PCDH15: variants seen among roughly 807,000 people sequenced by gnomAD.
The protein encoded by PCDH15 is protocadherin related 15, also known as protocadherin-15.
In PCDH15, 129 loss-of-function variants were observed where a neutral mutation model predicts 178.5. The ratio of observed to expected loss-of-function variants is 0.72; its 90% CI spans 0.63 to 0.84. The LOEUF is 0.84. Among genes scored for constraint, PCDH15 ranks in the 40% least tolerant of loss-of-function variants. PCDH15 has a pLI of 0.00. For synonymous variants in PCDH15, 800 were observed against 732.0 expected, an observed-to-expected ratio of 1.09 and a Z score of -1.50; for missense variants, 2,230 against 2,099.9, an observed-to-expected ratio of 1.06 and a Z score of -1.21.
chr10:55,345,439 T>A (rs1159703274), intron 2 of PCDH15, among the ~76,000 whole-genome samples: 1 of 152,010 alleles, frequency 6.6e-6, no homozygotes, highest in Non-Finnish European at 1.5e-5. Flanking sequence ...ACCACTTTAC[T>A]GTGAGAATAA....
At chr10:54,319,410 T>A (rs2061458117) in intron 7 of PCDH15, among the ~76,000 whole-genome samples, 1 of 152,268 alleles carries the variant, frequency 6.6e-6, no homozygotes, top group Admixed American at 6.5e-5. Context: ...CATCATGTTT[T>A]CAAATAAAGA....
In PCDH15 at chr10:53,806,443, T is replaced by G; in HGVS notation, c.*136A>C. The G allele has an allele frequency of 1.3e-6, 1 of 760,250 alleles. No homozygotes were observed. The highest frequency in any genetic ancestry group is 2.0e-6 in the Non-Finnish European group (1 of 489,420). The allele number at this position is 760,250 out of a possible 1,614,324, so 47.1% of individuals were successfully genotyped here. ...TGAGTGCAAATCTGTCTCTTAAAAT[T>G]TTAAAGCATATTGTTCAAAGTTTTA... On this transcript the variant is annotated 3_prime_UTR_variant, in exon 38 of 38. Coordinates refer to ENST00000644397, the MANE Select transcript of PCDH15 (RefSeq NM_001384140.1).
intron 3 of PCDH15, among the ~76,000 whole-genome samples, chr10:54,832,086 A>G (rs767201281): frequency 1.1e-4 from 16 of 152,012 alleles, no homozygotes; most frequent in Non-Finnish European, 1.9e-4. Flanking sequence ...AAGTATCTAC[A>G]TTTCTAAAGG....
At chr10:53,994,201 G>A (rs2091703877) in intron 21 of PCDH15, among the ~76,000 whole-genome samples, 1 of 152,108 alleles carries the variant, frequency 6.6e-6, no homozygotes, top group Admixed American at 6.5e-5. Context: ...ACTACCAAAG[G>A]GGAAGTAATA....
At chr10:55,558,863 G>A (rs1202116710) in intron 2 of PCDH15, among the ~76,000 whole-genome samples, 1 of 151,822 alleles carries the variant, frequency 6.6e-6, no homozygotes, top group Admixed American at 6.6e-5. Flanking sequence ...TGTTATTTTT[G>A]TTGTTAGCAT....
chr10:53,806,801 T>C lies in PCDH15; in HGVS notation c.5001A>G (p.Arg1667=), dbSNP rs1251216592. The C allele has an allele frequency of 6.2e-7, 1 of 1,613,844 alleles. No individual in the cohort carries two copies. The highest frequency in any genetic ancestry group is 1.7e-5 in the Admixed American group (1 of 60,008). The part of the protein sequence containing the change: ...GPFSTEKMNA[R]PTLVTFAPCP... ...AAGGGGCAAATGTAACCAGAGTTGG[T>C]CTTGCATTCATTTTTTCAGTAGAAA... Residue 1667 remains arginine, a synonymous_variant, in exon 38 of 38, where the codon AGA becomes AGG. Coordinates refer to ENST00000644397, the MANE Select transcript of PCDH15 (RefSeq NM_001384140.1).
intron 2 of PCDH15, among the ~76,000 whole-genome samples, chr10:55,362,650 G>A (rs1405924688): frequency 1.3e-5 from 2 of 152,142 alleles, no homozygotes; most frequent in African/African-American, 2.4e-5. Context: ...ACTCGTGTGT[G>A]TGTGTGTGTG....
chr10:54,407,539 G>C (rs1435619484), intron 3 of PCDH15, among the ~76,000 whole-genome samples: 2 of 151,890 alleles, frequency 1.3e-5, no homozygotes, highest in Non-Finnish European at 2.9e-5. Context: ...AAACTCTTAA[G>C]CTAAAAAGCA....
At chr10:54,963,055 ATC>A (rs1370089878) in intron 2 of PCDH15, among the ~76,000 whole-genome samples, 2 of 152,164 alleles carry the variant, frequency 1.3e-5, no homozygotes, top group African/African-American at 4.8e-5. Flanking sequence ...CATGTCATAA[ATC>A]TCTACGTAGA....
At chr10:55,440,335 T>C (rs1321452581) in intron 2 of PCDH15, among the ~76,000 whole-genome samples, 1 of 152,188 alleles carries the variant, frequency 6.6e-6, no homozygotes, top group African/African-American at 2.4e-5. Flanking sequence ...GACACATTTC[T>C]CTTAGTGCAA....
chr10:54,319,536 A>C (rs982761137), intron 7 of PCDH15, among the ~76,000 whole-genome samples: 1 of 152,152 alleles, frequency 6.6e-6, no homozygotes, highest in Non-Finnish European at 1.5e-5. Flanking sequence ...AAGCAACTGC[A>C]TGAGTGGTGC....
At chr10:54,118,205 T>C (rs11004080) in intron 15 of PCDH15, among the ~76,000 whole-genome samples, 1 of 151,972 alleles carries the variant, frequency 6.6e-6, no homozygotes, top group Admixed American at 6.5e-5. Context: ...CATATACTAA[T>C]GGAATATATT....
At chr10:54,596,368 T>C (rs2092239565) in intron 2 of PCDH15, among the ~76,000 whole-genome samples, 1 of 152,030 alleles carries the variant, frequency 6.6e-6, no homozygotes, top group East Asian at 1.9e-4. Context: ...AAACAAAGCT[T>C]CCTAAGTGAA....
At chr10:55,262,507 A>C (rs1842171536) in intron 1 of PCDH15, among the ~76,000 whole-genome samples, 1 of 152,224 alleles carries the variant, frequency 6.6e-6, no homozygotes, top group African/African-American at 2.4e-5. Context: ...GGAACGCATA[A>C]GCGGCTGAAT....
At chr10:54,198,526 A>G (rs12779779) in intron 10 of PCDH15, among the ~76,000 whole-genome samples, 32,925 of 42,558 alleles carry the variant, frequency 0.77, 14,029 homozygotes, top group East Asian at 0.96. Context: ...TTTTGAGACA[A>G]AGTCTCGCTC....
Position 54,615,559 on chromosome 10 carries a change from T to C in PCDH15, c.91+48613A>G, listed in dbSNP as rs375095182. Among the ~76,000 whole-genome samples, 15 of 152,226 alleles carry C rather than the reference T, an allele frequency of 9.9e-5. No homozygotes were observed. The East Asian group carries it at 2.1e-3, about 22-fold the overall frequency. On this transcript the variant is annotated intron_variant, in intron 2 of 37. Transcript: ENST00000644397. ...AATACATATATGTGCATCCATTCTATGCCAAGAACATCACAGTTACCTTGG... is the reference window on the plus strand; with the variant it reads ...AATACATATATGTGCATCCATTCTACGCCAAGAACATCACAGTTACCTTGG...
At chr10:54,984,255 A>C (rs1647927413) in intron 2 of PCDH15, among the ~76,000 whole-genome samples, 2 of 152,078 alleles carry the variant, frequency 1.3e-5, no homozygotes, top group South Asian at 4.2e-4. Context: ...AGTGAGGGAA[A>C]CCAAAATTTA....
intron 9 of PCDH15, among the ~76,000 whole-genome samples, chr10:54,214,731 T>C (rs1564699719): frequency 6.6e-6 from 1 of 152,088 alleles, no homozygotes; most frequent in African/African-American, 2.4e-5. Flanking sequence ...GCTGGGATTA[T>C]AGGCGTGTGC....
chr10:54,260,912 T>C (rs1396525730), intron 8 of PCDH15, among the ~76,000 whole-genome samples: 1 of 152,198 alleles, frequency 6.6e-6, no homozygotes, highest in Non-Finnish European at 1.5e-5. Context: ...GGATTACAGG[T>C]GTGAGCCACC....
Sources: allele counts gnomAD v4.1 joint callset (sites outside exome capture counted in the v4.1 genomes callset), GRCh38; gene constraint gnomAD v4.1.1; transcripts MANE v1.5; gene names NCBI Gene and HGNC (gene_info 2026-07-23, HGNC 2026-07-21).